Variants in SMYD3 observed in about 807,000 individuals in gnomAD.
SMYD3 encodes the protein histone-lysine N-methyltransferase SMYD3.
SMYD3 carries 36 observed loss-of-function variants against 57.7 expected under a neutral mutation model. The ratio of observed to expected loss-of-function variants is 0.62; its 90% confidence interval spans 0.48 to 0.82. The LOEUF (loss-of-function observed/expected upper bound fraction) is 0.82, where lower values mean the gene tolerates loss of function less well. Ranked by LOEUF, SMYD3 falls within the 40% of genes least tolerant of loss-of-function variation. The pLI is 0.00. For synonymous variants in SMYD3, 211 were observed against 195.0 expected, an observed-to-expected ratio of 1.08 and a Z score of -0.68; for missense variants, 515 against 538.8, an observed-to-expected ratio of 0.96 and a Z score of 0.44.
At chr1:246,481,621 T>TATATACACAC (rs1307881494) in intron 1 of SMYD3, among the ~76,000 whole-genome samples, 4 of 98,550 alleles carry the variant, frequency 4.1e-5, no homozygotes, top group African/African-American at 7.5e-5. Context: ...CATACATATA[T>TATATACACAC]ACATACATAC....
intron 1 of SMYD3, among the ~76,000 whole-genome samples, chr1:246,364,324 T>C (rs369948932): frequency 2.0e-5 from 3 of 151,002 alleles, no homozygotes; most frequent in East Asian, 3.9e-4. Context: ...AGTTTCAAGG[T>C]GGTCAAGGGC....
chr1:246,153,062 G>A (rs111385350), intron 5 of SMYD3, among the ~76,000 whole-genome samples: 5 of 152,122 alleles, frequency 3.3e-5, no homozygotes, highest in East Asian at 3.9e-4. Flanking sequence ...GCCCAGAACC[G>A]TATCACATGG....
intron 5 of SMYD3, among the ~76,000 whole-genome samples, chr1:245,982,597 T>G (rs1457611325): frequency 6.6e-6 from 1 of 152,242 alleles, no homozygotes; most frequent in Admixed American, 6.5e-5. Flanking sequence ...ATTCAGGTTT[T>G]GTTTTGTTTT....
intron 8 of SMYD3, among the ~76,000 whole-genome samples, chr1:245,892,071 C>T (rs73142740): frequency 0.1 from 15,571 of 151,958 alleles, 1,719 homozygotes; most frequent in African/African-American, 0.28. Context: ...ACCAACCACC[C>T]CAGCACAGTG....
intron 5 of SMYD3, among the ~76,000 whole-genome samples, chr1:245,963,816 C>T (rs1176125119): frequency 1.3e-5 from 2 of 152,172 alleles, no homozygotes; most frequent in East Asian, 1.9e-4. Flanking sequence ...CCACTCTAGT[C>T]ATCCTGTCCC....
chr1:246,019,716 T>C (rs2059436697), intron 5 of SMYD3, among the ~76,000 whole-genome samples: 1 of 152,166 alleles, frequency 6.6e-6, no homozygotes, highest in South Asian at 2.1e-4. Flanking sequence ...AATGTAATTA[T>C]TAATTTAATT....
intron 5 of SMYD3, among the ~76,000 whole-genome samples, chr1:246,270,849 G>A (rs577509937): frequency 3.3e-5 from 5 of 152,244 alleles, no homozygotes. Flanking sequence ...TGGAATTGCT[G>A]GATCATACAG....
intron 1 of SMYD3, among the ~76,000 whole-genome samples, chr1:246,478,096 T>A (rs890965320): frequency 7.1e-6 from 1 of 141,372 alleles, no homozygotes; most frequent in African/African-American, 2.5e-5. Flanking sequence ...TGAGAACATA[T>A]GTGGCTAGGT....
chr1:246,362,529 T>C (rs1229433168), intron 1 of SMYD3, among the ~76,000 whole-genome samples: 1 of 152,132 alleles, frequency 6.6e-6, no homozygotes, highest in Non-Finnish European at 1.5e-5. Flanking sequence ...TGGACTGTAC[T>C]GCTGCCATCT....
intron 2 of SMYD3, among the ~76,000 whole-genome samples, chr1:246,350,067 T>TG (rs2065797897): frequency 6.6e-6 from 1 of 152,146 alleles, no homozygotes; most frequent in Non-Finnish European, 1.5e-5. Flanking sequence ...TGTACATGGA[T>TG]GGAGAAAGAT....
chr1:245,777,503 T>C (rs1178171036), intron 10 of SMYD3, among the ~76,000 whole-genome samples: 3 of 152,110 alleles, frequency 2.0e-5, no homozygotes, highest in African/African-American at 7.2e-5. Context: ...CACCCCCAAG[T>C]CAGCCTTAGA....
At chr1:246,388,005 TA>T (rs34880029) in intron 1 of SMYD3, among the ~76,000 whole-genome samples, 172 of 45,120 alleles carry the variant, frequency 3.8e-3, no homozygotes, top group Middle Eastern at 0.037. Context: ...AGTCAGTTTC[TA>T]GGGGACCTCC....
intron 2 of SMYD3, among the ~76,000 whole-genome samples, chr1:246,352,729 C>A (rs2065851525): frequency 6.6e-6 from 1 of 152,168 alleles, no homozygotes; most frequent in South Asian, 2.1e-4. Context: ...GACATACCCA[C>A]CCACCAAACT....
At chr1:246,003,098 A>G (rs929931154) in intron 5 of SMYD3, among the ~76,000 whole-genome samples, 6 of 152,216 alleles carry the variant, frequency 3.9e-5, no homozygotes, top group South Asian at 2.1e-4. Context: ...CAGGGAAGAG[A>G]TATGATGGAA....
chr1:245,784,420 C>T (rs1045161991), intron 10 of SMYD3, among the ~76,000 whole-genome samples: 2 of 152,144 alleles, frequency 1.3e-5, no homozygotes, highest in African/African-American at 4.8e-5. Flanking sequence ...ACGAAGGATA[C>T]AGCAGGGATA....
intron 2 of SMYD3, among the ~76,000 whole-genome samples, chr1:246,350,916 T>C (rs2065811719): frequency 6.6e-6 from 1 of 152,230 alleles, no homozygotes; most frequent in Non-Finnish European, 1.5e-5. Flanking sequence ...TGTTGACAGT[T>C]AGATACAAAG....
At chr1:246,349,802 A>T (rs1382208464) in intron 2 of SMYD3, among the ~76,000 whole-genome samples, 2 of 152,230 alleles carry the variant, frequency 1.3e-5, no homozygotes, top group Admixed American at 1.3e-4. Context: ...TGAAGAGAAA[A>T]GAAATCATAC....
chr1:245,852,573 A>G (rs929078081), intron 10 of SMYD3, among the ~76,000 whole-genome samples: 9 of 152,238 alleles, frequency 5.9e-5, no homozygotes, highest in African/African-American at 1.9e-4. Flanking sequence ...TATCCATAAA[A>G]GTAAAACATA....
chr1:246,441,739 G>A (rs1235684601), intron 1 of SMYD3, among the ~76,000 whole-genome samples: 1 of 152,130 alleles, frequency 6.6e-6, no homozygotes, highest in African/African-American at 2.4e-5. Flanking sequence ...TGCCTCCCAA[G>A]TAGCCGAGAC....
Sources: allele counts gnomAD v4.1 joint callset (sites outside exome capture counted in the v4.1 genomes callset), GRCh38; gene constraint gnomAD v4.1.1; transcripts MANE v1.5; gene names NCBI Gene and HGNC (gene_info 2026-07-23, HGNC 2026-07-21).